GRAMD4: variants seen among roughly 807,000 people sequenced by gnomAD.
GRAMD4 encodes the protein GRAM domain-containing protein 4.
A neutral mutation model predicts 83.9 loss-of-function variants in GRAMD4; 25 were observed. The observed-to-expected ratio is 0.30, with a 90% CI of 0.22 to 0.42. The LOEUF is 0.42. Among genes scored for constraint, GRAMD4 ranks in the 10% least tolerant of loss-of-function variants. The pLI is 1.00. For synonymous variants in GRAMD4, 336 were observed against 320.9 expected (o/e 1.05, Z -0.50); for missense variants, 593 against 788.7 (o/e 0.75, Z 2.97).
chr22:46,645,861 G>A (rs951068476), intron 3 of GRAMD4, among the ~76,000 whole-genome samples: 5 of 152,208 alleles, frequency 3.3e-5, no homozygotes, highest in Admixed American at 6.5e-5. Flanking sequence ...CGCGGTTGCC[G>A]TGCATGCGTG....
In GRAMD4 at chr22:46,649,763, G is replaced by A. The variant is rs1248403516; in HGVS notation, c.284-8424G>A. 3.9e-5 allele frequency among the ~76,000 whole-genome samples: 6 copies of A among 152,312 alleles called. No individual in the cohort carries two copies. In the East Asian group the frequency reaches 1.2e-3, roughly 29 times the overall value. ...TGACACCGCAATAAATAAATGTTAG[G>A]GAGAAAATGCAGGCAAAACTTCACA... On this transcript the variant is annotated intron_variant, in intron 3 of 18. Coordinates refer to ENST00000406902, the MANE Select transcript of GRAMD4 (RefSeq NM_015124.5).
At chr22:46,595,397 A>C (rs1447738630) in intron 1 of GRAMD4, among the ~76,000 whole-genome samples, 2 of 152,186 alleles carry the variant, frequency 1.3e-5, no homozygotes, top group Non-Finnish European at 2.9e-5. Flanking sequence ...TTTATGCCAC[A>C]AAGGTCCCCC....
At chr22:46,642,540 T>C (rs901758201) in intron 3 of GRAMD4, among the ~76,000 whole-genome samples, 5 of 152,236 alleles carry the variant, frequency 3.3e-5, no homozygotes, top group African/African-American at 1.2e-4. Flanking sequence ...ACACACAATC[T>C]CAAAATAAAA....
At chr22:46,576,442 G>A (rs1384722477), upstream of GRAMD4, among the ~76,000 whole-genome samples, 1 of 152,160 alleles carries the variant, frequency 6.6e-6, no homozygotes, top group East Asian at 1.9e-4. Context: ...TCCCCTCTAC[G>A]GGTGTCCTGC....
rs186011317 is a variant in GRAMD4, at chr22:46,603,276, C to T, written c.-49-23475C>T. On this transcript the variant is annotated intron_variant, in intron 1 of 1. Coordinates refer to the GRAMD4 transcript ENST00000431155. Reference sequence around the variant, plus strand: ...AGGCTGGATTGCAGTGGCATGACCTCGGCTCACTGCAAGCTCCGCCTCCTG... The same window carrying T: ...AGGCTGGATTGCAGTGGCATGACCTTGGCTCACTGCAAGCTCCGCCTCCTG... Among the ~76,000 whole-genome samples, 1,001 of 143,334 alleles carry T rather than the reference C, an allele frequency of 7.0e-3. 4 individuals carry two copies. Among genetic ancestry groups the T allele is most frequent in the Non-Finnish European group, 0.011 (749 of 66,816 alleles). The allele number at this position is 143,334 out of a possible 152,430, so 94.0% of individuals were successfully genotyped here.
At chr22:46,680,606 T>TTCATC, downstream of GRAMD4, among the ~76,000 whole-genome samples, 1 of 36,386 alleles carries the variant, frequency 2.7e-5, no homozygotes, top group Non-Finnish European at 5.5e-5. Context: ...ACCCACCCAT[T>TTCATC]CATCCATCCA....
chr22:46,626,843 G>C lies in GRAMD4; in HGVS notation c.44G>C (p.Arg15Thr). 6.2e-7 allele frequency: 1 copy of C among 1,613,876 alleles called. No individual in the cohort carries two copies. Among genetic ancestry groups the C allele is most frequent in the Non-Finnish European group, 8.5e-7 (1 of 1,179,716 alleles). The change falls in exon 2 of 19, where the codon AGA (arginine) becomes ACA (threonine). Residue 15 changes from arginine to threonine, a missense_variant. Transcript: ENST00000406902. ...AAAATCAGGTTCAGAGGTCACAAGA[G>C]AGATGACTTCCTCGATCTAGCGGAG... Reference protein sequence around the residue: ...LDKIRFRGHKRDDFLDLAESP... With the variant: ...LDKIRFRGHKTDDFLDLAESP...
At chr22:46,603,662 G>A (rs796451023) in intron 1 of GRAMD4, among the ~76,000 whole-genome samples, 3 of 150,902 alleles carry the variant, frequency 2.0e-5, no homozygotes, top group Admixed American at 6.6e-5. Flanking sequence ...GATTACAGGC[G>A]CCCACCACCA....
chr22:46,584,445 T>C (rs1352313091), intron 1 of GRAMD4, among the ~76,000 whole-genome samples: 1 of 152,152 alleles, frequency 6.6e-6, no homozygotes, highest in East Asian at 1.9e-4. Context: ...GCTGATGAAC[T>C]CTGATCCGTT....
chr22:46,608,377 C>G (rs138530), intron 1 of GRAMD4, among the ~76,000 whole-genome samples: 131,418 of 152,254 alleles, frequency 0.86, 56,902 homozygotes, highest in East Asian at 1. Context: ...TTTTGATCTT[C>G]CTTCTGAAAT....
intron 3 of GRAMD4, among the ~76,000 whole-genome samples, chr22:46,652,739 G>C (rs1489988702): frequency 6.6e-6 from 1 of 152,250 alleles, no homozygotes; most frequent in Non-Finnish European, 1.5e-5. Context: ...GCCTGGACAG[G>C]GGCCGGGGCT....
chr22:46,652,971 G>A (rs901304673), intron 3 of GRAMD4, among the ~76,000 whole-genome samples: 4 of 152,238 alleles, frequency 2.6e-5, no homozygotes, highest in African/African-American at 4.8e-5. Flanking sequence ...CGATGGAGTC[G>A]TGGGGCGTGT....
At position 46,651,425 on chromosome 22, in the gene GRAMD4, C is replaced by A. The variant is rs2082163993; in HGVS notation, c.284-6762C>A. On this transcript the variant is annotated intron_variant, in intron 3 of 18. Transcript: ENST00000406902. ...TGATGTGGTGGCTTCTCTGCTGCTGCAGGGCTGTGACTTTCTGGTCTGATG... is the reference window on the plus strand; with the variant it reads ...TGATGTGGTGGCTTCTCTGCTGCTGAAGGGCTGTGACTTTCTGGTCTGATG... Among the ~76,000 whole-genome samples, 6 of 152,248 alleles carry A rather than the reference C, an allele frequency of 3.9e-5. No individual in the cohort carries two copies. In the South Asian group the frequency reaches 1.2e-3, roughly 32 times the overall value.
intron 14 of GRAMD4, 67 bp from the exon 15 acceptor site, chr22:46,673,603 G>A: frequency 1.9e-6 from 3 of 1,557,792 alleles, no homozygotes; most frequent in Non-Finnish European, 1.7e-6. Flanking sequence ...TGTGTGTGCG[G>A]CCAGCACATC....
At chr22:46,604,081 A>C (rs2081342382) in intron 1 of GRAMD4, among the ~76,000 whole-genome samples, 1 of 152,088 alleles carries the variant, frequency 6.6e-6, no homozygotes, top group African/African-American at 2.4e-5. Context: ...GCCTCTGATC[A>C]CAATTGGGTC....
intron 13 of GRAMD4, 143 bp downstream of exon 13, chr22:46,669,051 T>A (rs948458190): frequency 4.9e-6 from 3 of 608,134 alleles, no homozygotes; most frequent in Non-Finnish European, 8.8e-6. Context: ...ATGTTTCAAT[T>A]TGGGAGAAGT....
At position 46,677,992 on chromosome 22, in the gene GRAMD4, G is replaced by A. The variant is rs998488369; in HGVS notation, c.*741G>A. On this transcript the variant is annotated 3_prime_UTR_variant, in exon 19 of 19. Coordinates refer to ENST00000406902, the MANE Select transcript of GRAMD4 (RefSeq NM_015124.5). ...CTGTAAGGGCCTGCCTGCTGCTCTC[G>A]GCCTGACACGCCGGCCAGGAGGTCT... is the stretch of plus-strand genomic sequence containing the variant. The A allele has an allele frequency of 1.9e-4, 185 of 985,594 alleles. No homozygotes were observed. The highest frequency in any genetic ancestry group is 1.0e-3 in the Middle Eastern group (2 of 1,936). The allele number at this position is 985,594 out of a possible 1,614,324, so 61.1% of individuals were successfully genotyped here.
chr22:46,643,131 C>G (rs909639548), intron 3 of GRAMD4, among the ~76,000 whole-genome samples: 19 of 144,506 alleles, frequency 1.3e-4, no homozygotes, highest in East Asian at 2.2e-4. Flanking sequence ...ATGCATCCAT[C>G]CATGCATCCT....
At chr22:46,581,750 G>A (rs2081101047) in intron 1 of GRAMD4, among the ~76,000 whole-genome samples, 1 of 152,246 alleles carries the variant, frequency 6.6e-6, no homozygotes, top group African/African-American at 2.4e-5. Context: ...GTTGCTGCGT[G>A]GTAGAGGTGG....
Sources: gnomAD v4.1 joint callset for allele counts (sites outside exome capture counted in the v4.1 genomes callset) on GRCh38, gnomAD v4.1.1 for gene constraint, MANE v1.5 for transcripts, NCBI Gene and HGNC (gene_info 2026-07-23, HGNC 2026-07-21) for gene names.